Variants in NRG1 observed in about 807,000 individuals in gnomAD.
NRG1 encodes pro-neuregulin-1, membrane-bound isoform.
Under a neutral mutation model 63.8 loss-of-function variants are expected in NRG1, and 18 were observed. That is an observed-to-expected ratio of 0.28 (90% CI 0.19 to 0.42). The LOEUF is 0.42. Ranked by LOEUF, NRG1 falls within the 10% of genes least tolerant of loss-of-function variation. The pLI is 1.00. For missense variants in NRG1, 762 were observed against 814.7 expected (o/e 0.94, Z 0.79); for synonymous variants, 302 against 301.3 (o/e 1.00, Z -0.02).
At chr8:32,718,774 CCTT>C (rs1348869385) in intron 5 of NRG1, among the ~76,000 whole-genome samples, 7 of 152,150 alleles carry the variant, frequency 4.6e-5, no homozygotes, top group Non-Finnish European at 1.0e-4. Context: ...GCCAAATTCA[CCTT>C]CTTAATATAT....
intron 1 of NRG1, among the ~76,000 whole-genome samples, chr8:31,856,775 G>A (rs1235554095): frequency 1.3e-5 from 2 of 152,152 alleles, no homozygotes; most frequent in Admixed American, 1.3e-4. Flanking sequence ...TGATGGTGAT[G>A]TACAGATGGG....
intron 1 of NRG1, among the ~76,000 whole-genome samples, chr8:31,999,951 A>T (rs867214291): frequency 2.0e-5 from 3 of 151,968 alleles, no homozygotes; most frequent in South Asian, 2.1e-4. Context: ...TACATGTATT[A>T]TTTTTAAAAC....
intron 1 of NRG1, among the ~76,000 whole-genome samples, chr8:32,490,926 A>G (rs938348285): frequency 2.0e-5 from 3 of 151,978 alleles, no homozygotes; most frequent in Non-Finnish European, 2.9e-5. Context: ...CCCATCTCCA[A>G]TCTTACATTT....
At chr8:31,831,272 T>G (rs1162700510) in intron 1 of NRG1, among the ~76,000 whole-genome samples, 1 of 152,062 alleles carries the variant, frequency 6.6e-6, no homozygotes, top group Non-Finnish European at 1.5e-5. Flanking sequence ...CGGCTAATTT[T>G]TTTTGTTTTT....
At chr8:32,218,980 A>T (rs1162692055) in intron 1 of NRG1, among the ~76,000 whole-genome samples, 5 of 152,238 alleles carry the variant, frequency 3.3e-5, no homozygotes, top group Non-Finnish European at 1.5e-5. Flanking sequence ...ATTTTCTGCC[A>T]AACCCTGTGC....
chr8:31,759,193 C>G (rs188829596), intron 1 of NRG1, among the ~76,000 whole-genome samples: 1 of 152,020 alleles, frequency 6.6e-6, no homozygotes, highest in African/African-American at 2.4e-5. Context: ...TGTAGCTTGC[C>G]TTTTCAATTT....
intron 1 of NRG1, among the ~76,000 whole-genome samples, chr8:32,537,204 A>AAAAAAAAAAAAAAAC: frequency 6.7e-6 from 1 of 148,470 alleles, no homozygotes; most frequent in Non-Finnish European, 1.5e-5. Flanking sequence ...TCAAAAAAAA[A>AAAAAAAAAAAAAAAC]AAAAAAAAAA....
intron 1 of NRG1, among the ~76,000 whole-genome samples, chr8:31,758,137 G>A (rs1294704318): frequency 6.6e-6 from 1 of 152,068 alleles, no homozygotes; most frequent in Non-Finnish European, 1.5e-5. Context: ...GTATACACGT[G>A]CCATGGTGGT....
chr8:32,637,205 A>G (rs1851499940), intron 5 of NRG1, among the ~76,000 whole-genome samples: 1 of 152,140 alleles, frequency 6.6e-6, no homozygotes, highest in African/African-American at 2.4e-5. Context: ...ATATTTGCTT[A>G]CTGAGTGTCT....
intron 11 of NRG1, chr8:32,760,736 G>C: frequency 1.9e-6 from 2 of 1,080,302 alleles, no homozygotes; most frequent in Non-Finnish European, 2.3e-6. Flanking sequence ...TGTAACATTA[G>C]AGAGATGGCA....
chr8:32,423,977 A>T (rs1360756338), intron 1 of NRG1, among the ~76,000 whole-genome samples: 1 of 152,244 alleles, frequency 6.6e-6, no homozygotes, highest in Middle Eastern at 3.4e-3. Context: ...GAAAGTCCTT[A>T]TTTGGAATTC....
chr8:32,326,074 A>G (rs1291063796), intron 1 of NRG1, among the ~76,000 whole-genome samples: 1 of 147,524 alleles, frequency 6.8e-6, no homozygotes, highest in African/African-American at 2.5e-5. Context: ...CAATGGCGTG[A>G]TCTAGGCTCA....
intron 1 of NRG1, among the ~76,000 whole-genome samples, chr8:32,474,678 T>TG (rs1162116950): frequency 1.7e-4 from 26 of 149,644 alleles, no homozygotes; most frequent in South Asian, 4.2e-4. Context: ...TGTGTGTGTG[T>TG]TTTTTTTAGT....
intron 1 of NRG1, among the ~76,000 whole-genome samples, chr8:32,137,845 G>A (rs1835748475): frequency 6.6e-6 from 1 of 152,192 alleles, no homozygotes; most frequent in Admixed American, 6.5e-5. Context: ...TCAATTCTGG[G>A]TGAATCCTCT....
chr8:32,548,886 C>T (rs1389952783), intron 1 of NRG1, 60 bp downstream of exon 1: 2 of 1,493,886 alleles, frequency 1.3e-6, no homozygotes, highest in South Asian at 1.3e-5. Context: ...TACTCCTCCT[C>T]CTCCTCGGAT....
chr8:31,959,230 A>T (rs10808317), intron 1 of NRG1, among the ~76,000 whole-genome samples: 1 of 152,064 alleles, frequency 6.6e-6, no homozygotes, highest in Non-Finnish European at 1.5e-5. Flanking sequence ...TGGCATACAC[A>T]TTGGACTTGA....
chr8:32,487,161 AAAAT>A (rs1358166935), intron 1 of NRG1, among the ~76,000 whole-genome samples: 1 of 152,066 alleles, frequency 6.6e-6, no homozygotes, highest in Non-Finnish European at 1.5e-5. Flanking sequence ...AAAAAAAAAA[AAAAT>A]AACGTAAAAC....
chr8:32,157,715 T>A (rs938427897), intron 1 of NRG1, among the ~76,000 whole-genome samples: 1 of 150,072 alleles, frequency 6.7e-6, no homozygotes, highest in African/African-American at 2.4e-5. Flanking sequence ...TATATACATA[T>A]CTATATATAG....
chr8:31,900,231 A>T (rs1395547364), intron 1 of NRG1, among the ~76,000 whole-genome samples: 2 of 152,250 alleles, frequency 1.3e-5, no homozygotes, highest in Non-Finnish European at 2.9e-5. Flanking sequence ...TAACATTAAC[A>T]TTCACACTGT....
Sources: allele counts gnomAD v4.1 joint callset (sites outside exome capture counted in the v4.1 genomes callset), GRCh38; gene constraint gnomAD v4.1.1; transcripts MANE v1.5; gene names NCBI Gene and HGNC (gene_info 2026-07-23, HGNC 2026-07-21).